The following ERBB2 variants were observed in gnomAD, a reference collection of about 807,000 sequenced individuals.
The protein encoded by ERBB2 is receptor tyrosine-protein kinase erbB-2.
A neutral mutation model predicts 149.0 loss-of-function variants in ERBB2; 61 were observed. The observed-to-expected ratio is 0.41, with a 90% confidence interval of 0.33 to 0.51. The LOEUF (loss-of-function observed/expected upper bound fraction) is 0.51. ERBB2 is among the 20% of genes least tolerant of loss of function. The pLI is 0.25. For missense variants in ERBB2, 1,205 were observed against 1,655.1 expected (o/e 0.73, Z 4.72); for synonymous variants, 633 against 678.8 (o/e 0.93, Z 1.05).
chr17:39,724,122 T>C, intron 19 of ERBB2, 112 bp downstream of exon 19: 1 of 715,120 alleles, frequency 1.4e-6, no homozygotes, highest in Admixed American at 2.9e-5. Context: ...CCCGCAAACC[T>C]AGACTATTTT....
intron 1 of ERBB2, among the ~76,000 whole-genome samples, chr17:39,706,518 G>A (rs1043863469): frequency 3.9e-5 from 6 of 152,216 alleles, no homozygotes; most frequent in African/African-American, 1.4e-4. Context: ...TTGCCAAGAG[G>A]TTGGCATGTG....
Position 39,722,518 on chromosome 17 carries a change from TA to T in ERBB2, c.1947-799del, listed in dbSNP as rs550458249. ...CCTGTCTCAAAAATAAATAAATAAATAACACAAACTTATTTAACAGTTTACT... is the reference window on the plus strand; with the variant it reads ...CCTGTCTCAAAAATAAATAAATAAATACACAAACTTATTTAACAGTTTACT... On this transcript the variant is annotated intron_variant, in intron 16 of 26. Coordinates refer to ENST00000269571, the MANE Select transcript of ERBB2 (RefSeq NM_004448.4). Among the ~76,000 whole-genome samples, 459 of 152,134 alleles carry T rather than the reference TA, an allele frequency of 3.0e-3. 1 individual carries two copies. Among genetic ancestry groups the T allele is most frequent in the Non-Finnish European group, 4.8e-3 (327 of 67,998 alleles).
At chr17:39,718,954 G>A (rs552656037) in intron 15 of ERBB2, among the ~76,000 whole-genome samples, 1 of 152,004 alleles carries the variant, frequency 6.6e-6, no homozygotes, top group African/African-American at 2.4e-5. Flanking sequence ...AACTAAATGA[G>A]AAAAATTAAA....
upstream of ERBB2, chr17:39,693,207 C>T (rs1437941093): frequency 6.6e-6 from 1 of 152,246 alleles, no homozygotes; most frequent in Non-Finnish European, 1.5e-5. Context: ...CTCTGCCACC[C>T]CCAAAATAGC....
rs567252769 is a variant in ERBB2, at chr17:39,728,228, G to C, written c.*184G>C. 2.1e-4 allele frequency: 114 copies of C among 550,488 alleles called. No homozygotes were observed. The highest frequency in any genetic ancestry group is 7.3e-4 in the Admixed American group (24 of 32,996). 34.1% of individuals were successfully genotyped at this position (550,488 alleles called of 1,614,324 possible). ...TTCCCAGATGGCTGGAAGGGGTCCA[G>C]CCTCGTTGGAAGAGGAACAGCACTG... On this transcript the variant is annotated 3_prime_UTR_variant, in exon 27 of 27. Transcript: ENST00000269571.
At chr17:39,711,058 C>A (rs1043348710) in intron 7 of ERBB2, among the ~76,000 whole-genome samples, 1 of 152,132 alleles carries the variant, frequency 6.6e-6, no homozygotes, top group Admixed American at 6.5e-5. Context: ...CACCACCATG[C>A]CTCGCTAAAT....
chr17:39,726,491 G>A lies in ERBB2; in HGVS notation c.2873-71G>A, dbSNP rs1189181856. 1.6e-6 allele frequency: 2 copies of A among 1,274,912 alleles called. No homozygotes were observed. Among genetic ancestry groups the A allele is most frequent in the South Asian group, 2.4e-5 (2 of 82,180 alleles). 79.0% of individuals were successfully genotyped at this position (1,274,912 alleles called of 1,614,324 possible). On this transcript the variant is annotated intron_variant, in intron 23 of 26. Coordinates refer to ENST00000269571, the MANE Select transcript of ERBB2 (RefSeq NM_004448.4). This position sits in a 1 kb window ranked among gnomAD's most constrained non-coding sequence, Gnocchi z 5.1. ...GGGACTGTCTAGACCAGACTGGAGGGGGAGTGGGAGGGGAGAGGCAGCAAG... is the reference window on the plus strand; with the variant it reads ...GGGACTGTCTAGACCAGACTGGAGGAGGAGTGGGAGGGGAGAGGCAGCAAG...
chr17:39,724,683 G>C (rs1452829587), intron 19 of ERBB2, 43 bp from the exon 20 acceptor site: 1 of 1,568,072 alleles, frequency 6.4e-7, no homozygotes, highest in Non-Finnish European at 8.8e-7. Flanking sequence ...GTGTTTGGGG[G>C]TGTGTGGTCT....
In ERBB2 at chr17:39,723,268, C is replaced by A; in HGVS notation, c.1947-51C>A. 3.1e-6 allele frequency: 5 copies of A among 1,591,382 alleles called. No individual in the cohort carries two copies. Among genetic ancestry groups the A allele is most frequent in the Non-Finnish European group, 3.4e-6 (4 of 1,163,566 alleles). On this transcript the variant is annotated intron_variant, in intron 16 of 26. Coordinates refer to ENST00000269571, the MANE Select transcript of ERBB2 (RefSeq NM_004448.4). The surrounding 1 kb of genome is among the most constrained non-coding windows in gnomAD (Gnocchi z 6.2). The stretch of plus-strand genomic sequence containing the variant: ...ATGTCCCCCGTGGGCCCCCTTTGTC[C>A]CTCCCACCCCAAACTAGCCCTCAAT...
rs906229928 is a variant in ERBB2 at position 39,725,007 on chromosome 17, C to T, written c.2494-42C>T. The T allele has an allele frequency of 9.9e-6, 16 of 1,612,174 alleles. No individual in the cohort carries two copies. The highest frequency in any genetic ancestry group is 8.9e-5 in the East Asian group (4 of 44,846). ...CTCTTGCTGGGCATGTGGCCAGGCC[C>T]AGGCCCTCCCAGAAGGTCTACATGG... On this transcript the variant is annotated intron_variant, in intron 20 of 26. Transcript: ENST00000269571. This position sits in a 1 kb window ranked among gnomAD's most constrained non-coding sequence, Gnocchi z 4.6.
At chr17:39,710,283 GC>G in intron 6 of ERBB2, 56 bp from the exon 7 acceptor site, 1 of 1,612,294 alleles carries the variant, frequency 6.2e-7, no homozygotes, top group Non-Finnish European at 8.5e-7. Context: ...CTGCCCTATT[GC>G]CCCTGGCACA....
intron 1 of ERBB2, among the ~76,000 whole-genome samples, chr17:39,704,805 A>G (rs1261291270): frequency 2.0e-5 from 3 of 151,942 alleles, no homozygotes; most frequent in African/African-American, 7.3e-5. Flanking sequence ...AGGTAAACAA[A>G]CTCACTAGTG....
At chr17:39,690,546 T>A (rs1025090733), upstream of ERBB2, among the ~76,000 whole-genome samples, 11 of 152,156 alleles carry the variant, frequency 7.2e-5, no homozygotes, top group African/African-American at 2.7e-4. Flanking sequence ...AGACTTCTGT[T>A]CTGTTGACTT....
chr17:39,727,688 G>A lies in ERBB2; in HGVS notation c.3413-1G>A. ...TGGGTCACCTTCTCTTGACCTTTCA[G>A]AATATGTGAACCAGCCAGATGTTCG... On this transcript the variant is annotated splice_acceptor_variant, in intron 26 of 26. Coordinates refer to ENST00000269571, the MANE Select transcript of ERBB2 (RefSeq NM_004448.4). LOFTEE classifies it high-confidence loss of function. This position sits in a 1 kb window ranked among gnomAD's most constrained non-coding sequence, Gnocchi z 4.3. 1 of 1,546,288 alleles carries A rather than the reference G, an allele frequency of 6.5e-7. No homozygotes were observed. Among genetic ancestry groups the A allele is most frequent in the African/African-American group, 1.4e-5 (1 of 72,592 alleles).
chr17:39,710,953 G>A (rs530410580), intron 7 of ERBB2, among the ~76,000 whole-genome samples: 11 of 152,256 alleles, frequency 7.2e-5, no homozygotes, highest in African/African-American at 2.6e-4. Flanking sequence ...TAGCTCTATC[G>A]CAGTGGCGCG....
At position 39,727,803 on chromosome 17, in the gene ERBB2, G is replaced by A. The variant is rs1365431216; in HGVS notation, c.3527G>A (p.Gly1176Glu). Residue 1176 changes from glycine (G) to glutamate (E), a missense_variant, in exon 27 of 27, where the codon GGG becomes GAG. Coordinates refer to ENST00000269571, the MANE Select transcript of ERBB2 (RefSeq NM_004448.4). The surrounding 1 kb of genome is among the most constrained non-coding windows in gnomAD (Gnocchi z 4.3). ...GAAAGGCCCAAGACTCTCTCCCCAG[G>A]GAAGAATGGGGTCGTCAAAGACGTT... ...TLERPKTLSP[G>E]KNGVVKDVFA... is the part of the protein sequence containing the mutation. The A allele has an allele frequency of 3.1e-6, 5 of 1,613,358 alleles. No homozygotes were observed. In the South Asian group the frequency reaches 5.5e-5, roughly 18 times the overall value.
In ERBB2 at chr17:39,723,195, C is replaced by G; in HGVS notation, c.1947-124C>G. The G allele has an allele frequency of 9.9e-7, 1 of 1,008,014 alleles. No homozygotes were observed. The highest frequency in any genetic ancestry group is 1.6e-5 in the African/African-American group (1 of 62,490). The allele number at this position is 1,008,014 out of a possible 1,614,324, so 62.4% of individuals were successfully genotyped here. On this transcript the variant is annotated intron_variant, in intron 16 of 26. Transcript: ENST00000269571. The surrounding 1 kb of genome is among the most constrained non-coding windows in gnomAD (Gnocchi z 6.2). ...GTTTTAGAGTAGGAGAGGGTCCAAGCCTGTGGGTCACCCTTCCGACTTCCC... is the reference window on the plus strand; with the variant it reads ...GTTTTAGAGTAGGAGAGGGTCCAAGGCTGTGGGTCACCCTTCCGACTTCCC...
chr17:39,702,211 G>T (rs1360133593), intron 1 of ERBB2, among the ~76,000 whole-genome samples: 1 of 152,214 alleles, frequency 6.6e-6, no homozygotes, highest in Non-Finnish European at 1.5e-5. Context: ...GAGGCAGGAG[G>T]ATCACCTGAG....
chr17:39,702,347 A>C (rs2058160348), intron 1 of ERBB2, among the ~76,000 whole-genome samples: 2 of 152,014 alleles, frequency 1.3e-5, no homozygotes, highest in Non-Finnish European at 2.9e-5. Flanking sequence ...GATTTTACCC[A>C]AGGGGTGAGG....
Sources: gnomAD v4.1 joint callset for allele counts (sites outside exome capture counted in the v4.1 genomes callset) on GRCh38, gnomAD v4.1.1 for gene constraint, Gnocchi (gnomAD v3.1) non-coding constraint, MANE v1.5 for transcripts, NCBI Gene and HGNC (gene_info 2026-07-23, HGNC 2026-07-21) for gene names.